CDH12: variants seen among roughly 807,000 people sequenced by gnomAD.
The protein encoded by CDH12 is cadherin-12.
In CDH12, 41 loss-of-function variants were observed where a neutral mutation model predicts 74.1. The observed-to-expected ratio is 0.55, with a 90% CI of 0.43 to 0.72. CDH12 has a LOEUF of 0.72. CDH12 is among the 30% of genes least tolerant of loss of function. CDH12 has a pLI of 0.00. For missense variants in CDH12, 945 were observed against 977.2 expected (o/e 0.97, Z 0.44); for synonymous variants, 399 against 355.0 (o/e 1.12, Z -1.39).
chr5:21,760,173 C>A (rs1007244829), intron 13 of CDH12, among the ~76,000 whole-genome samples: 1 of 152,044 alleles, frequency 6.6e-6, no homozygotes, highest in Non-Finnish European at 1.5e-5. Flanking sequence ...CTTTATAATA[C>A]CTGCATTCTT....
In CDH12 at chr5:22,752,503, G is replaced by C. The variant is rs998787723; in HGVS notation, c.-523+100555C>G. Among the ~76,000 whole-genome samples the C allele has an allele frequency of 8.4e-5, 12 of 143,688 alleles. No homozygotes were observed. The South Asian group carries it at 2.0e-3, about 24-fold the overall frequency. 94.3% of individuals were successfully genotyped at this position (143,688 alleles called of 152,430 possible). ...AACTATGTGCCTGCTCTTTGTGTTA[G>C]GTTCTGGGGATGCAGTGATGAAGAA... is the stretch of plus-strand genomic sequence containing the variant. On this transcript the variant is annotated intron_variant, in intron 1 of 14. Transcript: ENST00000382254.
intron 4 of CDH12, among the ~76,000 whole-genome samples, chr5:22,080,491 C>T (rs950813326): frequency 7.9e-5 from 12 of 151,834 alleles, no homozygotes; most frequent in Middle Eastern, 3.2e-3. Context: ...TTGACAAAAC[C>T]GTAAGTTGTC....
chr5:22,715,324 A>G (rs771551382), intron 1 of CDH12, among the ~76,000 whole-genome samples: 1 of 152,232 alleles, frequency 6.6e-6, no homozygotes, highest in African/African-American at 2.4e-5. Context: ...TCAGCTTATT[A>G]AAGAACAATC....
chr5:22,135,615 G>T (rs1561147910), intron 4 of CDH12, among the ~76,000 whole-genome samples: 2 of 151,964 alleles, frequency 1.3e-5, no homozygotes, highest in Non-Finnish European at 1.5e-5. Context: ...CATATATTCA[G>T]ACCGAGTGGT....
At chr5:22,064,630 C>T (rs147222822) in intron 5 of CDH12, among the ~76,000 whole-genome samples, 285 of 152,242 alleles carry the variant, frequency 1.9e-3, no homozygotes, top group African/African-American at 6.7e-3. Context: ...GCATCTGAAG[C>T]TCATAACATA....
intron 1 of CDH12, among the ~76,000 whole-genome samples, chr5:22,793,162 G>T (rs1198934060): frequency 1.3e-5 from 2 of 152,110 alleles, no homozygotes; most frequent in African/African-American, 4.8e-5. Flanking sequence ...TTCACTGCCA[G>T]GGAAAACCTG....
intron 1 of CDH12, among the ~76,000 whole-genome samples, chr5:22,624,332 G>T (rs1267895511): frequency 2.0e-5 from 3 of 151,638 alleles, no homozygotes; most frequent in Admixed American, 6.6e-5. Context: ...AAACTAAAGA[G>T]CTGCACAGCA....
At chr5:21,753,321 C>A (rs1744203021) in intron 14 of CDH12, among the ~76,000 whole-genome samples, 1 of 152,178 alleles carries the variant, frequency 6.6e-6, no homozygotes, top group African/African-American at 2.4e-5. Context: ...GGTAGAGTTT[C>A]TGTACAGTGG....
intron 1 of CDH12, among the ~76,000 whole-genome samples, chr5:22,801,481 C>G (rs76402757): frequency 6.6e-6 from 1 of 151,662 alleles, no homozygotes; most frequent in Non-Finnish European, 1.5e-5. Context: ...TCTTAGATTG[C>G]TTTTCAATTA....
rs1248298513 is a variant in CDH12, at chr5:21,921,609, T to C, written c.526+53482A>G. 3.9e-5 allele frequency among the ~76,000 whole-genome samples: 6 copies of C among 152,206 alleles called. No individual in the cohort carries two copies. The South Asian group carries it at 6.2e-4, about 16-fold the overall frequency. ...TTCTGTGAGTCACAGCAACGTTTAC[T>C]GGAGTCAGTCCAATGATCAGATGAA... On this transcript the variant is annotated intron_variant, in intron 6 of 14. Coordinates refer to ENST00000382254, the MANE Select transcript of CDH12 (RefSeq NM_004061.5).
chr5:22,795,389 C>T (rs570529885), intron 1 of CDH12, among the ~76,000 whole-genome samples: 2 of 152,092 alleles, frequency 1.3e-5, no homozygotes, highest in South Asian at 4.1e-4. Context: ...CTTAAGCCTC[C>T]CATAGTCCTA....
At chr5:22,109,487 T>C (rs1465822691) in intron 4 of CDH12, among the ~76,000 whole-genome samples, 1 of 152,184 alleles carries the variant, frequency 6.6e-6, no homozygotes, top group Non-Finnish European at 1.5e-5. Flanking sequence ...ATAATACTGT[T>C]TACTGCTGTC....
chr5:22,421,966 G>C (rs1212921924), intron 2 of CDH12, among the ~76,000 whole-genome samples: 1 of 152,126 alleles, frequency 6.6e-6, no homozygotes, highest in East Asian at 1.9e-4. Flanking sequence ...TCATATGTTG[G>C]TTGGCTGCAT....
At chr5:22,130,352 T>C (rs1240076599) in intron 4 of CDH12, among the ~76,000 whole-genome samples, 8 of 152,050 alleles carry the variant, frequency 5.3e-5, no homozygotes, top group East Asian at 1.9e-4. Context: ...GTGACTTTTT[T>C]CTCTATTTCA....
chr5:22,060,117 G>A (rs913543995), intron 5 of CDH12, among the ~76,000 whole-genome samples: 2 of 152,084 alleles, frequency 1.3e-5, no homozygotes, highest in Non-Finnish European at 2.9e-5. Context: ...ATGATTTTGT[G>A]TTTACTGCAA....
rs570514505 is a variant in CDH12 at position 21,877,460 on chromosome 5, G to T, written c.527-22670C>A. Among the ~76,000 whole-genome samples, 14 of 152,122 alleles carry T rather than the reference G, an allele frequency of 9.2e-5. No homozygotes were observed. The South Asian group carries it at 2.7e-3, about 29-fold the overall frequency. Reference sequence around the variant, plus strand: ...ATCTCAGAACCTACAACAGAGCTTGGTATATAATAAGTACTTAATACATGT... The same window carrying T: ...ATCTCAGAACCTACAACAGAGCTTGTTATATAATAAGTACTTAATACATGT... On this transcript the variant is annotated intron_variant, in intron 6 of 14. Coordinates refer to ENST00000382254, the MANE Select transcript of CDH12 (RefSeq NM_004061.5).
intron 5 of CDH12, among the ~76,000 whole-genome samples, chr5:22,009,332 G>A (rs1174983004): frequency 1.3e-5 from 2 of 152,102 alleles, no homozygotes; most frequent in Non-Finnish European, 2.9e-5. Flanking sequence ...AATGTTTTCA[G>A]AGCTGCCCTA....
At chr5:22,795,010 A>C (rs1171581069) in intron 1 of CDH12, among the ~76,000 whole-genome samples, 1 of 152,190 alleles carries the variant, frequency 6.6e-6, no homozygotes, top group African/African-American at 2.4e-5. Flanking sequence ...GTGCCAAAAA[A>C]TGAAGGTAAT....
chr5:22,484,028 A>G (rs1175192372), intron 2 of CDH12, among the ~76,000 whole-genome samples: 1 of 151,594 alleles, frequency 6.6e-6, no homozygotes, highest in Non-Finnish European at 1.5e-5. Flanking sequence ...TAAAAGGTGG[A>G]GTGTAGTGTT....
Sources: allele counts gnomAD v4.1 joint callset (sites outside exome capture counted in the v4.1 genomes callset), GRCh38; gene constraint gnomAD v4.1.1; transcripts MANE v1.5; gene names NCBI Gene and HGNC (gene_info 2026-07-23, HGNC 2026-07-21).